Variants in SCHIP1 observed in about 807,000 individuals in gnomAD.
The protein encoded by SCHIP1 is schwannomin interacting protein 1, also known as schwannomin-interacting protein 1.
Under a neutral mutation model 29.7 loss-of-function variants are expected in SCHIP1, and 8 were observed. The observed-to-expected ratio is 0.27, with a 90% CI of 0.16 to 0.49. SCHIP1 has a LOEUF of 0.49. Ranked by LOEUF, SCHIP1 falls within the 20% of genes least tolerant of loss-of-function variation. SCHIP1 has a pLI of 0.99. For synonymous variants in SCHIP1, 76 were observed against 94.9 expected, an observed-to-expected ratio of 0.80 and a Z score of 1.16; for missense variants, 193 against 294.6, an observed-to-expected ratio of 0.66 and a Z score of 2.52.
At chr3:159,737,516 C>T in the SCHIP1 span, among the ~76,000 whole-genome samples, 1 of 152,170 alleles carries the variant, frequency 6.6e-6, no homozygotes, top group East Asian at 1.9e-4. Flanking sequence ...ATACCTCTTC[C>T]ATTTTTGGAG....
At chr3:159,586,048 C>A in the SCHIP1 span, among the ~76,000 whole-genome samples, 1 of 151,896 alleles carries the variant, frequency 6.6e-6, no homozygotes, top group Non-Finnish European at 1.5e-5. Context: ...CTAAACAGTC[C>A]CTTGAAACTC....
At chr3:159,723,831 T>C in the SCHIP1 span, among the ~76,000 whole-genome samples, 1 of 152,236 alleles carries the variant, frequency 6.6e-6, no homozygotes, top group African/African-American at 2.4e-5. Context: ...AAATGAAAGA[T>C]ACTTTGCAAC....
the SCHIP1 span, among the ~76,000 whole-genome samples, chr3:159,545,806 C>T: frequency 6.7e-6 from 1 of 150,356 alleles, no homozygotes; most frequent in Admixed American, 6.6e-5. Flanking sequence ...TCTGCACTTC[C>T]ATTTGTTCTG....
rs1207619114 is a variant in SCHIP1 at position 159,896,880 on chromosome 3, T to C, written c.*106T>C. ...CAGAAACAAATATCAGTGTTAGTCA[T>C]TGATAATGTCTGAAGCTTAATGTCC... is the stretch of plus-strand genomic sequence containing the variant. On this transcript the variant is annotated 3_prime_UTR_variant, in exon 7 of 7. Coordinates refer to ENST00000445224, the Ensembl canonical transcript of SCHIP1. The C allele has an allele frequency of 7.5e-6, 9 of 1,205,950 alleles. No individual in the cohort carries two copies. The South Asian group carries it at 1.4e-4, about 19-fold the overall frequency. The allele number at this position is 1,205,950 out of a possible 1,614,324, so 74.7% of individuals were successfully genotyped here. A position where few individuals can be genotyped will look rare whatever the true frequency, so the allele number is the denominator to read the frequency against.
chr3:159,645,542 A>G, the SCHIP1 span, among the ~76,000 whole-genome samples: 2 of 152,148 alleles, frequency 1.3e-5, no homozygotes, highest in Non-Finnish European at 2.9e-5. Flanking sequence ...GTAGTCTTTC[A>G]ATCGTCTACA....
At chr3:159,765,074 C>T in the SCHIP1 span, 1 of 1,568,084 alleles carries the variant, frequency 6.4e-7, no homozygotes. Flanking sequence ...AAGCATCTGG[C>T]CGGGCTGCAG....
the SCHIP1 span, among the ~76,000 whole-genome samples, chr3:159,634,770 C>T: frequency 6.6e-6 from 1 of 152,300 alleles, no homozygotes; most frequent in African/African-American, 2.4e-5. Flanking sequence ...ATAATTACCG[C>T]ATTTGGAGCC....
intron 6 of SCHIP1, among the ~76,000 whole-genome samples, chr3:159,895,333 C>CT (rs1440264917): frequency 2.6e-5 from 4 of 152,128 alleles, no homozygotes; most frequent in African/African-American, 7.2e-5. Context: ...TTTGTCTTCC[C>CT]TGATATGACA....
the SCHIP1 span, among the ~76,000 whole-genome samples, chr3:159,797,389 A>G: frequency 6.6e-6 from 1 of 152,226 alleles, no homozygotes; most frequent in African/African-American, 2.4e-5. Flanking sequence ...AAAATGAATT[A>G]AGCATGATAC....
the SCHIP1 span, among the ~76,000 whole-genome samples, chr3:159,624,267 G>C: frequency 6.6e-6 from 1 of 152,130 alleles, no homozygotes; most frequent in Non-Finnish European, 1.5e-5. Context: ...TAAATTCACT[G>C]TTAAATGGAA....
At chr3:159,288,294 T>G in the SCHIP1 span, among the ~76,000 whole-genome samples, 3 of 152,214 alleles carry the variant, frequency 2.0e-5, no homozygotes, top group Non-Finnish European at 4.4e-5. Flanking sequence ...ATAACATATT[T>G]CTAATTTAAA....
At chr3:159,690,581 G>A in the SCHIP1 span, among the ~76,000 whole-genome samples, 27 of 151,770 alleles carry the variant, frequency 1.8e-4, no homozygotes, top group Middle Eastern at 3.4e-3. Flanking sequence ...AGGTTTTTTC[G>A]TACCTCTATA....
At chr3:159,309,509 CT>C in the SCHIP1 span, among the ~76,000 whole-genome samples, 49 of 152,230 alleles carry the variant, frequency 3.2e-4, no homozygotes, top group African/African-American at 1.1e-3. Flanking sequence ...CATTTTCATG[CT>C]ATATGGGTAT....
chr3:159,391,598 C>A, the SCHIP1 span, among the ~76,000 whole-genome samples: 1 of 152,146 alleles, frequency 6.6e-6, no homozygotes, highest in Non-Finnish European at 1.5e-5. Flanking sequence ...AAGGTCCTAG[C>A]CTCAGAACCT....
chr3:159,672,686 A>T, the SCHIP1 span, among the ~76,000 whole-genome samples: 3 of 152,186 alleles, frequency 2.0e-5, no homozygotes, highest in Non-Finnish European at 4.4e-5. Flanking sequence ...ACAACCATTT[A>T]ATCCCAAGTG....
chr3:159,288,265 T>C, the SCHIP1 span, among the ~76,000 whole-genome samples: 3 of 152,312 alleles, frequency 2.0e-5, no homozygotes, highest in East Asian at 1.9e-4. Context: ...CTTTTAGCAA[T>C]ATAATTTTTA....
At chr3:159,764,400 G>A in the SCHIP1 span, 1 of 1,523,402 alleles carries the variant, frequency 6.6e-7, no homozygotes, top group Non-Finnish European at 8.8e-7. This position sits in a 1 kb window ranked among gnomAD's most constrained non-coding sequence, Gnocchi z 6.1. Flanking sequence ...GGAGGCTGGA[G>A]CAGGCTTGGC....
At chr3:159,747,001 C>T in the SCHIP1 span, among the ~76,000 whole-genome samples, 4 of 152,332 alleles carry the variant, frequency 2.6e-5, no homozygotes, top group South Asian at 4.1e-4. Flanking sequence ...CACCCTAATA[C>T]TTTGAAACCC....
In SCHIP1 at chr3:159,858,639, T is replaced by C. The variant is rs1384431972; in HGVS notation, c.31-7524T>C. Among the ~76,000 whole-genome samples, 3 of 152,236 alleles carry C rather than the reference T, an allele frequency of 2.0e-5. No homozygotes were observed. The East Asian group carries it at 5.8e-4, about 29-fold the overall frequency. On this transcript the variant is annotated intron_variant, in intron 1 of 6. Transcript: ENST00000445224. ...TATAAATGCAGTTAGTTATTAATTG[T>C]AAATAAATATCTGCATTTTCTGTAC...
Sources: gnomAD v4.1 joint callset for allele counts (sites outside exome capture counted in the v4.1 genomes callset) on GRCh38, gnomAD v4.1.1 for gene constraint, Gnocchi (gnomAD v3.1) non-coding constraint, MANE v1.5 for transcripts, NCBI Gene and HGNC (gene_info 2026-07-23, HGNC 2026-07-21) for gene names.